EXT1: variants seen among roughly 807,000 people sequenced by gnomAD.
EXT1 encodes the protein exostosin-1.
In EXT1, 20 loss-of-function variants were observed where a neutral mutation model predicts 82.5. The ratio of observed to expected loss-of-function variants is 0.24; its 90% CI spans 0.17 to 0.35. The LOEUF (loss-of-function observed/expected upper bound fraction) is 0.35. Among genes scored for constraint, EXT1 ranks in the 10% least tolerant of loss-of-function variants. EXT1 has a pLI of 1.00. For missense variants in EXT1, 757 were observed against 936.5 expected, an observed-to-expected ratio of 0.81 and a Z score of 2.50; for synonymous variants, 348 against 350.8, an observed-to-expected ratio of 0.99 and a Z score of 0.09.
rs752594306 is a variant in EXT1 at position 117,812,917 on chromosome 8, G to T, written c.1677C>A (p.Asp559Glu). 2 of 1,613,972 alleles carry T rather than the reference G, an allele frequency of 1.2e-6. No individual in the cohort carries two copies. Among genetic ancestry groups the T allele is most frequent in the Admixed American group, 3.3e-5 (2 of 60,004 alleles). ...RFLPYDNIIT[D>E]AVLSLDEDTV... ...TGTCCTCGTCAAGGCTGAGCACGGC[G>T]TCTGTGATGATGTTGTCGTAGGGCA... The change falls in exon 8 of 11, where the codon GAC becomes GAA. Residue 559 changes from aspartate (D) to glutamate (E), a missense_variant. By Grantham distance (45) the Asp-to-Glu change is conservative (BLOSUM62 2). This residue lies in a region of EXT1 where 207 missense variants were observed against 224.2 expected (regional missense o/e 0.92). Coordinates refer to ENST00000378204, the MANE Select transcript of EXT1 (RefSeq NM_000127.3).
At chr8:117,839,344 AT>A (rs899604906) in intron 1 of EXT1, among the ~76,000 whole-genome samples, 2 of 152,194 alleles carry the variant, frequency 1.3e-5, no homozygotes, top group Admixed American at 1.3e-4. Context: ...TTATCTTATC[AT>A]TTTTGGGTAA....
chr8:117,809,225 ATATATATATATATATATATT>A (rs1385317081), intron 8 of EXT1, among the ~76,000 whole-genome samples: 14 of 133,226 alleles, frequency 1.1e-4, no homozygotes, highest in African/African-American at 3.7e-4. Flanking sequence ...ATAAATATAT[ATATATATATATATATATATT>A]ATGTTCTATT....
chr8:118,073,566 G>A (rs1817136603), intron 1 of EXT1, among the ~76,000 whole-genome samples: 1 of 152,114 alleles, frequency 6.6e-6, no homozygotes, highest in South Asian at 2.1e-4. Context: ...GGTTGCGGTA[G>A]CTGAGATCAT....
rs141194995 is a variant in EXT1 at position 117,953,197 on chromosome 8, T to C, written c.963-115996A>G. On this transcript the variant is annotated intron_variant, in intron 1 of 10. Transcript: ENST00000378204. ...GTCACTTAGCCAACTATACCAATTA[T>C]ATAGAGATATATAGTTAGATAGATA... Among the ~76,000 whole-genome samples, 26 of 152,236 alleles carry C rather than the reference T, an allele frequency of 1.7e-4. 2 individuals are homozygous for C. Among genetic ancestry groups the C allele is most frequent in the African/African-American group, 5.8e-4 (24 of 41,544 alleles).
chr8:117,949,311 A>T (rs1814445961), intron 1 of EXT1, among the ~76,000 whole-genome samples: 1 of 152,136 alleles, frequency 6.6e-6, no homozygotes, highest in South Asian at 2.1e-4. Flanking sequence ...AATACCAAAT[A>T]TTCATGTAAA....
At chr8:117,960,221 A>G (rs1814672825) in intron 1 of EXT1, among the ~76,000 whole-genome samples, 1 of 152,174 alleles carries the variant, frequency 6.6e-6, no homozygotes, top group South Asian at 2.1e-4. Flanking sequence ...AAAAATAAAT[A>G]CATAAATAAA....
chr8:117,828,624 G>A (rs745410450), intron 4 of EXT1, among the ~76,000 whole-genome samples: 1 of 152,056 alleles, frequency 6.6e-6, no homozygotes, highest in East Asian at 1.9e-4. Context: ...AAAAGCAAAG[G>A]GTAACTCTAT....
chr8:117,953,525 T>C (rs1419061489), intron 1 of EXT1, among the ~76,000 whole-genome samples: 1 of 151,722 alleles, frequency 6.6e-6, no homozygotes. Flanking sequence ...GTCACATGTA[T>C]GGTGACAGTG....
intron 1 of EXT1, among the ~76,000 whole-genome samples, chr8:117,906,244 A>G (rs189886085): frequency 9.7e-4 from 148 of 152,304 alleles, no homozygotes; most frequent in African/African-American, 3.3e-3. Flanking sequence ...CTCAAATTTA[A>G]TTTTGATTGA....
intron 1 of EXT1, among the ~76,000 whole-genome samples, chr8:117,905,720 G>C (rs552483835): frequency 1.3e-5 from 2 of 152,062 alleles, no homozygotes; most frequent in South Asian, 4.2e-4. Flanking sequence ...GCTGAGGCAG[G>C]ACAATGGCGT....
At position 118,103,892 on chromosome 8, in the gene EXT1, G is replaced by A. The variant is rs538108521; in HGVS notation, c.962+6193C>T. Among the ~76,000 whole-genome samples the A allele has an allele frequency of 2.6e-4, 39 of 152,246 alleles. No individual in the cohort carries two copies. In the South Asian group the frequency reaches 6.8e-3, roughly 27 times the overall value. On this transcript the variant is annotated intron_variant, in intron 1 of 10. Transcript: ENST00000378204. ...CATCTCTGAGCCAAACTTTTTCCTC[G>A]GGAAACATGTTCATAAAGTAAAGCA...
intron 1 of EXT1, among the ~76,000 whole-genome samples, chr8:118,059,412 G>A: frequency 6.6e-6 from 1 of 152,164 alleles, no homozygotes; most frequent in East Asian, 1.9e-4. Context: ...TAAGGTTGAT[G>A]GAAACACCAT....
chr8:117,900,538 A>G (rs933103212), intron 1 of EXT1, among the ~76,000 whole-genome samples: 2 of 152,192 alleles, frequency 1.3e-5, no homozygotes, highest in Non-Finnish European at 2.9e-5. Flanking sequence ...GACCACCCCA[A>G]GTCTAATTCT....
At chr8:117,801,847 C>CAATATGAGTAT (rs1366010995) in intron 10 of EXT1, among the ~76,000 whole-genome samples, 65 of 152,198 alleles carry the variant, frequency 4.3e-4, no homozygotes, top group African/African-American at 1.6e-3. Flanking sequence ...CCAAAGGGTG[C>CAATATGAGTAT]TGTACCCAGG....
intron 1 of EXT1, among the ~76,000 whole-genome samples, chr8:118,014,672 T>G (rs1815968806): frequency 6.6e-6 from 1 of 152,074 alleles, no homozygotes; most frequent in African/African-American, 2.4e-5. Context: ...ATGCCTGGGC[T>G]CAAGTGATCC....
chr8:118,039,889 T>C (rs530126485), intron 1 of EXT1, among the ~76,000 whole-genome samples: 14 of 152,204 alleles, frequency 9.2e-5, no homozygotes, highest in African/African-American at 4.8e-5. Flanking sequence ...AGGCAGAGAA[T>C]AGCACTTCTC....
At chr8:117,893,700 G>A (rs1008971953) in intron 1 of EXT1, among the ~76,000 whole-genome samples, 1 of 152,136 alleles carries the variant, frequency 6.6e-6, no homozygotes, top group Non-Finnish European at 1.5e-5. Context: ...CAAGTGAAAC[G>A]CTTGCCACTG....
intron 3 of EXT1, among the ~76,000 whole-genome samples, chr8:117,832,577 T>C (rs939717806): frequency 1.3e-5 from 2 of 151,982 alleles, no homozygotes; most frequent in Non-Finnish European, 2.9e-5. Flanking sequence ...CATTGCTATA[T>C]AGTCTCCAGA....
chr8:117,813,533 C>T (rs755727513), intron 7 of EXT1, among the ~76,000 whole-genome samples: 8 of 152,044 alleles, frequency 5.3e-5, no homozygotes, highest in Non-Finnish European at 1.2e-4. Flanking sequence ...ACACAAACCA[C>T]GGGGAGAGCA....
Sources: allele counts gnomAD v4.1 joint callset (sites outside exome capture counted in the v4.1 genomes callset), GRCh38; gene constraint gnomAD v4.1.1; regional missense constraint gnomAD v4.1.1; transcripts MANE v1.5; gene names NCBI Gene and HGNC (gene_info 2026-07-23, HGNC 2026-07-21).